The following STK32B variants were observed in gnomAD, a reference collection of about 807,000 sequenced individuals.
STK32B encodes serine/threonine kinase 32B, also known as serine/threonine-protein kinase 32B.
STK32B carries 43 observed loss-of-function variants against 52.6 expected under a neutral mutation model. That is an observed-to-expected ratio of 0.82 (90% CI 0.64 to 1.05). The LOEUF (loss-of-function observed/expected upper bound fraction) is 1.05. STK32B is among the 50% of genes least tolerant of loss of function. STK32B has a pLI of 0.00. For synonymous variants in STK32B, 238 were observed against 204.3 expected (o/e 1.17, Z -1.41); for missense variants, 621 against 534.6 (o/e 1.16, Z -1.59).
At chr4:5,164,543 A>C (rs1042887537) in intron 2 of STK32B, among the ~76,000 whole-genome samples, 1 of 152,232 alleles carries the variant, frequency 6.6e-6, no homozygotes, top group Non-Finnish European at 1.5e-5. Flanking sequence ...GTCTAAAAGA[A>C]CAAAGATTTA....
At chr4:5,314,276 A>G (rs1730512477) in intron 3 of STK32B, among the ~76,000 whole-genome samples, 1 of 152,212 alleles carries the variant, frequency 6.6e-6, no homozygotes, top group Admixed American at 6.5e-5. Context: ...AAAGTTTCAA[A>G]AGCAATATCA....
At chr4:5,167,305 A>C (rs1718953726) in intron 2 of STK32B, among the ~76,000 whole-genome samples, 1 of 152,176 alleles carries the variant, frequency 6.6e-6, no homozygotes. Flanking sequence ...GTTAATTAGT[A>C]CACTTGGGGC....
chr4:5,218,213 C>G (rs1473846288), intron 3 of STK32B, among the ~76,000 whole-genome samples: 1 of 152,138 alleles, frequency 6.6e-6, no homozygotes, highest in African/African-American at 2.4e-5. Flanking sequence ...TAAATTGATT[C>G]CATTTCTTGA....
chr4:5,074,503 G>A (rs1711966009), intron 1 of STK32B, among the ~76,000 whole-genome samples: 1 of 151,008 alleles, frequency 6.6e-6, no homozygotes, highest in South Asian at 2.1e-4. Flanking sequence ...CTCTTTCTAT[G>A]GATGTTGTTT....
intron 2 of STK32B, among the ~76,000 whole-genome samples, chr4:5,167,744 G>A (rs1157475933): frequency 6.6e-6 from 1 of 152,224 alleles, no homozygotes; most frequent in Non-Finnish European, 1.5e-5. Flanking sequence ...TGGATCGAAT[G>A]TTGCTCTGAG....
chr4:5,240,903 C>T (rs139982150), intron 3 of STK32B, among the ~76,000 whole-genome samples: 170 of 152,292 alleles, frequency 1.1e-3, no homozygotes, highest in Non-Finnish European at 2.0e-3. Flanking sequence ...TTTATTTGGT[C>T]TCTTTGTCTA....
chr4:5,176,433 A>G (rs1577145503), intron 3 of STK32B, among the ~76,000 whole-genome samples: 1 of 125,116 alleles, frequency 8.0e-6, no homozygotes, highest in South Asian at 2.7e-4. Context: ...CTATTCGGCC[A>G]TCATCTTTTT....
At chr4:5,259,022 C>T (rs897537232) in intron 3 of STK32B, among the ~76,000 whole-genome samples, 1 of 152,182 alleles carries the variant, frequency 6.6e-6, no homozygotes, top group African/African-American at 2.4e-5. Context: ...GTTGTACCCT[C>T]TTCCTAGAAT....
chr4:5,329,141 G>A (rs1313090976), intron 3 of STK32B, among the ~76,000 whole-genome samples: 4 of 152,162 alleles, frequency 2.6e-5, no homozygotes, highest in African/African-American at 9.7e-5. Context: ...AAGGCAGAAG[G>A]GCCTTTCAGC....
In STK32B at chr4:5,375,599, A is replaced by T. The variant is rs561599956; in HGVS notation, c.435-22608A>T. The stretch of plus-strand genomic sequence containing the variant: ...TTCATCACATCTTCTGTGTTTTAAG[A>T]ACACAATATCTTCTCCTACCTCTCT... On this transcript the variant is annotated intron_variant, in intron 4 of 11. Transcript: ENST00000282908. Among the ~76,000 whole-genome samples the T allele has an allele frequency of 6.6e-5, 10 of 152,238 alleles. No homozygotes were observed. The East Asian group carries it at 1.7e-3, about 26-fold the overall frequency.
intron 3 of STK32B, among the ~76,000 whole-genome samples, chr4:5,256,277 T>C (rs1726289341): frequency 6.6e-6 from 1 of 152,200 alleles, no homozygotes; most frequent in South Asian, 2.1e-4. Flanking sequence ...AGACCATCTT[T>C]CATAGATGTG....
At chr4:5,294,491 C>T (rs1286980036) in intron 3 of STK32B, among the ~76,000 whole-genome samples, 2 of 151,966 alleles carry the variant, frequency 1.3e-5, no homozygotes, top group Admixed American at 1.3e-4. Flanking sequence ...TTCTTTACAT[C>T]CCTTTTAAGT....
chr4:5,402,333 G>A (rs568869936), intron 5 of STK32B, among the ~76,000 whole-genome samples: 1 of 152,354 alleles, frequency 6.6e-6, no homozygotes, highest in African/African-American at 2.4e-5. Flanking sequence ...AGGCCGGTGG[G>A]TTAGTGCTTT....
the STK32B span, among the ~76,000 whole-genome samples, chr4:5,039,425 AT>A: frequency 6.6e-6 from 1 of 152,154 alleles, no homozygotes; most frequent in Non-Finnish European, 1.5e-5. Flanking sequence ...GGGATCATCA[AT>A]TTCTGCTTCC....
intron 4 of STK32B, among the ~76,000 whole-genome samples, chr4:5,392,584 G>C (rs1440531613): frequency 1.3e-5 from 2 of 151,688 alleles, no homozygotes; most frequent in African/African-American, 4.9e-5. Context: ...CATTGATCTA[G>C]AGACCAACAT....
At chr4:5,368,598 A>G (rs1291995505) in intron 4 of STK32B, among the ~76,000 whole-genome samples, 1 of 152,244 alleles carries the variant, frequency 6.6e-6, no homozygotes, top group Non-Finnish European at 1.5e-5. Flanking sequence ...GCCCAAGGTC[A>G]TAGGGGATGT....
chr4:5,174,130 CT>C (rs967943040), intron 3 of STK32B, among the ~76,000 whole-genome samples: 1 of 151,930 alleles, frequency 6.6e-6, no homozygotes, highest in Non-Finnish European at 1.5e-5. Flanking sequence ...CAACCCCTGC[CT>C]TTTTTTGTTT....
chr4:5,178,542 C>T (rs1028718329), intron 3 of STK32B, among the ~76,000 whole-genome samples: 8 of 152,220 alleles, frequency 5.3e-5, no homozygotes, highest in Non-Finnish European at 1.2e-4. Context: ...AATTTCTTCC[C>T]CGAAAATGGG....
chr4:5,252,566 T>C (rs908034468), intron 3 of STK32B, among the ~76,000 whole-genome samples: 4 of 152,186 alleles, frequency 2.6e-5, no homozygotes, highest in African/African-American at 9.7e-5. Flanking sequence ...CCTTGCAGTT[T>C]GGTCAATCTG....
Sources: allele counts gnomAD v4.1 joint callset (sites outside exome capture counted in the v4.1 genomes callset), GRCh38; gene constraint gnomAD v4.1.1; transcripts MANE v1.5; gene names NCBI Gene and HGNC (gene_info 2026-07-23, HGNC 2026-07-21).